The following XPO7 variants were observed in gnomAD, a reference collection of about 807,000 sequenced individuals.
The protein encoded by XPO7 is exportin-7.
Under a neutral mutation model 144.3 loss-of-function variants are expected in XPO7, and 21 were observed. That is an observed-to-expected ratio of 0.15 (90% confidence interval 0.10 to 0.21). The LOEUF (loss-of-function observed/expected upper bound fraction) is 0.21. XPO7 is among the 10% of genes least tolerant of loss of function. The probability of loss-of-function intolerance (pLI) is 1.00; values close to 1 mark genes in which losing one functional copy is unlikely to be tolerated. For missense variants in XPO7, 808 were observed against 1,325.8 expected, an observed-to-expected ratio of 0.61 and a Z score of 6.06; for synonymous variants, 580 against 499.6, an observed-to-expected ratio of 1.16 and a Z score of -2.15.
At chr8:21,961,986 A>G (rs1045707789) in intron 1 of XPO7, among the ~76,000 whole-genome samples, 3 of 152,248 alleles carry the variant, frequency 2.0e-5, no homozygotes, top group Non-Finnish European at 4.4e-5. Flanking sequence ...TCTAATGGCT[A>G]TCTCATCGTG....
At chr8:21,991,118 C>G (rs1027501564) in intron 18 of XPO7, among the ~76,000 whole-genome samples, 199 bp downstream of exon 18, 1 of 152,184 alleles carries the variant, frequency 6.6e-6, no homozygotes, top group African/African-American at 2.4e-5. Context: ...TAACAGTCTG[C>G]TCCTGAAGTT....
At chr8:21,959,738 A>G (rs1212190460) in intron 1 of XPO7, among the ~76,000 whole-genome samples, 1 of 152,222 alleles carries the variant, frequency 6.6e-6, no homozygotes, top group African/African-American at 2.4e-5. Context: ...TTAAAACATG[A>G]TGGATAGTTT....
intron 5 of XPO7, 75 bp downstream of exon 5, chr8:21,972,016 G>A: frequency 7.0e-7 from 1 of 1,436,410 alleles, no homozygotes; most frequent in Non-Finnish European, 9.8e-7. Flanking sequence ...GCTGTGTGTG[G>A]GATGATCTTT....
intron 1 of XPO7, among the ~76,000 whole-genome samples, chr8:21,956,196 A>G (rs908620570): frequency 6.6e-6 from 1 of 152,034 alleles, no homozygotes; most frequent in Non-Finnish European, 1.5e-5. Context: ...ATAGCCTTCT[A>G]TGCTGGAGCT....
chr8:21,981,714 T>C lies in XPO7; in HGVS notation c.958-17T>C. 6.2e-7 allele frequency: 1 copy of C among 1,612,426 alleles called. No homozygotes were observed. The highest frequency in any genetic ancestry group is 8.5e-7 in the Non-Finnish European group (1 of 1,178,544). ...AGGCACATTTTACATTTTATTTTTC[T>C]CCTCTGCTACTGCCAGAGTTTATCA... On this transcript the variant is annotated splice_polypyrimidine_tract_variant and intron_variant, in intron 9 of 27. Coordinates refer to ENST00000252512, the MANE Select transcript of XPO7 (RefSeq NM_015024.5).
chr8:21,991,231 C>G (rs189813759), intron 18 of XPO7, among the ~76,000 whole-genome samples: 1 of 152,282 alleles, frequency 6.6e-6, no homozygotes, highest in African/African-American at 2.4e-5. Flanking sequence ...GATAACTTCT[C>G]CACCCCACAA....
chr8:21,980,874 G>C (rs887427857), intron 9 of XPO7, among the ~76,000 whole-genome samples: 7 of 152,114 alleles, frequency 4.6e-5, no homozygotes, highest in African/African-American at 1.7e-4. Context: ...TTTTAGGTGG[G>C]AAGGAAGATA....
chr8:21,987,599 A>G (rs1168516300), intron 14 of XPO7, among the ~76,000 whole-genome samples, 185 bp from the exon 15 acceptor site: 1 of 152,232 alleles, frequency 6.6e-6, no homozygotes, highest in Non-Finnish European at 1.5e-5. Context: ...ATTGAAAGGG[A>G]CCAGTAAGAT....
intron 13 of XPO7, 94 bp downstream of exon 13, chr8:21,985,785 C>T (rs1812559353): frequency 1.9e-6 from 2 of 1,060,090 alleles, no homozygotes; most frequent in African/African-American, 1.6e-5. Flanking sequence ...GTAATCTGAA[C>T]ATGCTAACTG....
chr8:21,968,687 T>A (rs1458508800), intron 2 of XPO7, among the ~76,000 whole-genome samples: 1 of 152,242 alleles, frequency 6.6e-6, no homozygotes, highest in Non-Finnish European at 1.5e-5. Flanking sequence ...TCTTAAGGAC[T>A]TTCTGTGTCA....
chr8:22,005,105 A>C lies in XPO7; in HGVS notation c.*17A>C, dbSNP rs746785007. On this transcript the variant is annotated 3_prime_UTR_variant, in exon 28 of 28. Transcript: ENST00000252512. ...ATGAGCTGACACCTCCTTGGACTCT[A>C]CCTGTACAGAGCAGCGTCCCTTTGG... is the stretch of plus-strand genomic sequence containing the variant. 6 of 1,601,926 alleles carry C rather than the reference A, an allele frequency of 3.7e-6. No individual in the cohort carries two copies. The highest frequency in any genetic ancestry group is 1.7e-6 in the Non-Finnish European group (2 of 1,170,678).
intron 7 of XPO7, 53 bp from the exon 8 acceptor site, chr8:21,977,717 G>C: frequency 6.5e-7 from 1 of 1,536,942 alleles, no homozygotes; most frequent in South Asian, 1.1e-5. Context: ...AAGTATGCCA[G>C]CGGCAATGTT....
In XPO7 at chr8:21,987,235, C is replaced by A; in HGVS notation, c.1672C>A (p.Arg558Ser). 6.2e-7 allele frequency: 1 copy of A among 1,613,890 alleles called. No individual in the cohort carries two copies. The highest frequency in any genetic ancestry group is 8.5e-7 in the Non-Finnish European group (1 of 1,179,854). The change falls in exon 14 of 28, where the codon CGT (arginine) becomes AGT (serine). Residue 558 changes from arginine to serine, a missense_variant. Coordinates refer to ENST00000252512, the MANE Select transcript of XPO7 (RefSeq NM_015024.5). ...LAMLSFFEQF[R>S]KIYIGDQVQK... ...CATGCTGAGCTTTTTTGAACAGTTT[C>A]GTAAGATCTACATTGGGGACCAAGT...
chr8:21,997,311 A>G (rs1812985511), intron 21 of XPO7, among the ~76,000 whole-genome samples: 1 of 152,218 alleles, frequency 6.6e-6, no homozygotes, highest in Non-Finnish European at 1.5e-5. Flanking sequence ...GACACACAAT[A>G]AAAACAAGTA....
At chr8:21,923,454 C>T (rs886839216) in intron 1 of XPO7, among the ~76,000 whole-genome samples, 6 of 152,132 alleles carry the variant, frequency 3.9e-5, no homozygotes, top group Non-Finnish European at 8.8e-5. Flanking sequence ...TATTTTATTT[C>T]ATTATTTTAC....
intron 1 of XPO7, among the ~76,000 whole-genome samples, chr8:21,945,059 C>T (rs1025151622): frequency 1.3e-5 from 2 of 152,152 alleles, no homozygotes; most frequent in Admixed American, 1.3e-4. Flanking sequence ...CCCCACATTT[C>T]CCCCTTTTCT....
chr8:21,941,133 CT>C (rs34622488), intron 1 of XPO7, among the ~76,000 whole-genome samples: 82 of 145,362 alleles, frequency 5.6e-4, no homozygotes, highest in Admixed American at 1.1e-3. Flanking sequence ...CTCCTATATG[CT>C]TTTTTTTTTT....
At chr8:21,926,021 G>A (rs755021375) in intron 1 of XPO7, among the ~76,000 whole-genome samples, 1 of 152,086 alleles carries the variant, frequency 6.6e-6, no homozygotes, top group Non-Finnish European at 1.5e-5. Context: ...ACAATAAGCA[G>A]TGAAAGATAT....
intron 16 of XPO7, among the ~76,000 whole-genome samples, chr8:21,989,801 G>C (rs1467517885): frequency 9.2e-6 from 1 of 108,254 alleles, no homozygotes; most frequent in African/African-American, 3.1e-5. Context: ...TTACAAATAG[G>C]AGTTTGGTAT....
Sources: gnomAD v4.1 joint callset for allele counts (sites outside exome capture counted in the v4.1 genomes callset) on GRCh38, gnomAD v4.1.1 for gene constraint, MANE v1.5 for transcripts, NCBI Gene and HGNC (gene_info 2026-07-23, HGNC 2026-07-21) for gene names.